Variants in ADAM10 observed in about 807,000 individuals in gnomAD.
The protein encoded by ADAM10 is disintegrin and metalloproteinase domain-containing protein 10.
A neutral mutation model predicts 90.1 loss-of-function variants in ADAM10; 17 were observed. That is an observed-to-expected ratio of 0.19 (90% confidence interval 0.13 to 0.28). The LOEUF (loss-of-function observed/expected upper bound fraction) is 0.28. Among genes scored for constraint, ADAM10 ranks in the 10% least tolerant of loss-of-function variants. The pLI, the probability that ADAM10 is intolerant of heterozygous loss-of-function variation, is 1.00. For synonymous variants in ADAM10, 310 were observed against 298.6 expected, an observed-to-expected ratio of 1.04 and a Z score of -0.40; for missense variants, 610 against 914.3, an observed-to-expected ratio of 0.67 and a Z score of 4.29.
intron 5 of ADAM10, among the ~76,000 whole-genome samples, chr15:58,658,218 AT>A (rs1214033636): frequency 9.9e-5 from 15 of 151,168 alleles, no homozygotes; most frequent in African/African-American, 2.9e-4. Context: ...GTGAATCTCA[AT>A]TTTTTTTTCA....
chr15:58,599,482 C>T (rs1227427907), intron 15 of ADAM10, 116 bp downstream of exon 15: 1 of 1,263,768 alleles, frequency 7.9e-7, no homozygotes, highest in Admixed American at 1.7e-5. Context: ...CCAATAATCC[C>T]ATTCTTACGG....
chr15:58,745,959 T>C (rs558102946), intron 1 of ADAM10, among the ~76,000 whole-genome samples: 2 of 152,292 alleles, frequency 1.3e-5, no homozygotes, highest in Admixed American at 1.3e-4. Flanking sequence ...TCAATGTTAA[T>C]CATTAGCTCA....
chr15:58,729,401 C>A (rs1899148554), intron 1 of ADAM10, among the ~76,000 whole-genome samples: 1 of 152,174 alleles, frequency 6.6e-6, no homozygotes, highest in Admixed American at 6.5e-5. Flanking sequence ...TTTTCAGCGA[C>A]TAACAGCATA....
chr15:58,610,928 T>C, intron 13 of ADAM10, 71 bp downstream of exon 13: 1 of 1,207,022 alleles, frequency 8.3e-7, no homozygotes, highest in Non-Finnish European at 1.2e-6. Flanking sequence ...GTCAAAGTTT[T>C]ACACTTAAAA....
chr15:58,735,546 T>C (rs1282969766), intron 1 of ADAM10, among the ~76,000 whole-genome samples: 1 of 152,186 alleles, frequency 6.6e-6, no homozygotes, highest in Admixed American at 6.5e-5. Context: ...ATATTTTAAA[T>C]AATCTCTAGA....
chr15:58,628,529 T>C (rs1896013318), intron 9 of ADAM10, among the ~76,000 whole-genome samples: 1 of 152,176 alleles, frequency 6.6e-6, no homozygotes, highest in South Asian at 2.1e-4. Context: ...ACATAAGTGG[T>C]GTTCGGTTTT....
intron 2 of ADAM10, among the ~76,000 whole-genome samples, chr15:58,694,144 A>G (rs930835084): frequency 6.6e-6 from 1 of 152,222 alleles, no homozygotes; most frequent in Non-Finnish European, 1.5e-5. Flanking sequence ...GCACTTTCTT[A>G]CAAAGTCAAA....
Position 58,621,483 on chromosome 15 carries a change from C to T in ADAM10, c.1499G>A (p.Gly500Glu). Reference sequence around the variant, plus strand: ...ATTAGCAAGGTACCTGCACTGTTTCCCAGGTTTCAGTTTGCATTTTCTTCC... The same window carrying T: ...ATTAGCAAGGTACCTGCACTGTTTCTCAGGTTTCAGTTTGCATTTTCTTCC... ...PEGRKCKLKPGKQCSPSQGPC... is the reference protein window; with the variant it reads ...PEGRKCKLKPEKQCSPSQGPC... Residue 500 changes from glycine to glutamate, a missense_variant, in exon 11 of 16, where the codon GGG becomes GAG. Physicochemically the swap from Gly to Glu is moderately conservative, Grantham distance 98 (BLOSUM62 -2). Coordinates refer to ENST00000260408, the MANE Select transcript of ADAM10 (RefSeq NM_001110.4). 1 of 1,613,946 alleles carries T rather than the reference C, an allele frequency of 6.2e-7. No homozygotes were observed. Among genetic ancestry groups the T allele is most frequent in the Non-Finnish European group, 8.5e-7 (1 of 1,179,980 alleles).
At chr15:58,709,772 T>A (rs1898414559) in intron 2 of ADAM10, among the ~76,000 whole-genome samples, 1 of 151,844 alleles carries the variant, frequency 6.6e-6, no homozygotes, top group Non-Finnish European at 1.5e-5. Context: ...AATACACCAC[T>A]AAATAAGCCA....
intron 1 of ADAM10, among the ~76,000 whole-genome samples, chr15:58,737,383 C>T (rs528414458): frequency 6.6e-6 from 1 of 152,002 alleles, no homozygotes; most frequent in Non-Finnish European, 1.5e-5. Context: ...TATAAAGAAC[C>T]TGACTGACTA....
intron 4 of ADAM10, among the ~76,000 whole-genome samples, chr15:58,669,830 G>A (rs1047489120): frequency 6.6e-6 from 1 of 152,048 alleles, no homozygotes; most frequent in Non-Finnish European, 1.5e-5. Context: ...CAACATGGAC[G>A]AATCCCAAAC....
At chr15:58,625,477 C>G (rs1184354761) in intron 10 of ADAM10, among the ~76,000 whole-genome samples, 2 of 152,096 alleles carry the variant, frequency 1.3e-5, no homozygotes, top group African/African-American at 4.8e-5. Context: ...CCCATCAGAA[C>G]AGCTAAAATA....
At chr15:58,639,604 A>G (rs1896360203) in intron 8 of ADAM10, among the ~76,000 whole-genome samples, 1 of 152,224 alleles carries the variant, frequency 6.6e-6, no homozygotes, top group Non-Finnish European at 1.5e-5. Context: ...CATAAAAGAC[A>G]AATATCCAAA....
chr15:58,652,715 T>C (rs1197840190), intron 5 of ADAM10, among the ~76,000 whole-genome samples: 1 of 152,210 alleles, frequency 6.6e-6, no homozygotes, highest in African/African-American at 2.4e-5. Context: ...CATTGGTTAT[T>C]CTGAGTTTCT....
chr15:58,681,551 G>T (rs1897442721), intron 3 of ADAM10, among the ~76,000 whole-genome samples: 1 of 152,098 alleles, frequency 6.6e-6, no homozygotes, highest in African/African-American at 2.4e-5. Context: ...ATAAAACAAT[G>T]ACATTTTGCC....
At chr15:58,634,028 C>G (rs1210430162) in intron 8 of ADAM10, among the ~76,000 whole-genome samples, 4 of 151,936 alleles carry the variant, frequency 2.6e-5, no homozygotes, top group African/African-American at 7.3e-5. Flanking sequence ...GAATTCACCA[C>G]TGCTGAGCGC....
At chr15:58,735,254 A>G (rs1899391591) in intron 1 of ADAM10, among the ~76,000 whole-genome samples, 2 of 152,050 alleles carry the variant, frequency 1.3e-5, no homozygotes, top group South Asian at 4.2e-4. Context: ...CACCTACTCT[A>G]TCCTGATCCT....
intron 11 of ADAM10, among the ~76,000 whole-genome samples, chr15:58,615,425 T>G (rs1326183005): frequency 6.6e-6 from 1 of 152,084 alleles, no homozygotes; most frequent in Non-Finnish European, 1.5e-5. Context: ...TTTAATCTCT[T>G]CTCCCTCTGT....
Position 58,749,559 on chromosome 15 carries a change from C to T in ADAM10, c.-25G>A. The T allele has an allele frequency of 6.4e-7, 1 of 1,550,422 alleles. No individual in the cohort carries two copies. The highest frequency in any genetic ancestry group is 8.7e-7 in the Non-Finnish European group (1 of 1,146,394). ...TCTTCCGCTGCCGCTGCCGCCGCCG[C>T]CGCCTCCTCACGGGTTAACAGCAGC... On this transcript the variant is annotated 5_prime_UTR_variant, in exon 1 of 16. Coordinates refer to ENST00000260408, the MANE Select transcript of ADAM10 (RefSeq NM_001110.4).
Sources: allele counts gnomAD v4.1 joint callset (sites outside exome capture counted in the v4.1 genomes callset), GRCh38; gene constraint gnomAD v4.1.1; transcripts MANE v1.5; gene names NCBI Gene and HGNC (gene_info 2026-07-23, HGNC 2026-07-21).